The following ERC2 variants were observed in gnomAD, a reference collection of about 807,000 sequenced individuals.
ERC2 encodes the protein ERC protein 2.
ERC2 carries 42 observed loss-of-function variants against 114.8 expected under a neutral mutation model. The ratio of observed to expected loss-of-function variants is 0.37; its 90% CI spans 0.29 to 0.47. The LOEUF (loss-of-function observed/expected upper bound fraction) is 0.47, where lower values mean the gene tolerates loss of function less well. Among genes scored for constraint, ERC2 ranks in the 20% least tolerant of loss-of-function variants. The probability of loss-of-function intolerance (pLI) is 0.99; values close to 1 mark genes in which losing one functional copy is unlikely to be tolerated. For missense variants in ERC2, 939 were observed against 1,150.7 expected, an observed-to-expected ratio of 0.82 and a Z score of 2.66; for synonymous variants, 454 against 425.5, an observed-to-expected ratio of 1.07 and a Z score of -0.82.
At chr3:55,824,660 T>C (rs2060260191) in intron 14 of ERC2, among the ~76,000 whole-genome samples, 1 of 152,192 alleles carries the variant, frequency 6.6e-6, no homozygotes, top group South Asian at 2.1e-4. Context: ...TCAGTGTTTC[T>C]CAAAGTGTTG....
chr3:55,882,366 A>C (rs1435393776), intron 14 of ERC2, among the ~76,000 whole-genome samples: 1 of 152,078 alleles, frequency 6.6e-6, no homozygotes, highest in Non-Finnish European at 1.5e-5. Flanking sequence ...CAAATGAACC[A>C]TTTTTCTTTA....
chr3:55,973,069 T>C (rs1177703019), intron 12 of ERC2, among the ~76,000 whole-genome samples: 2 of 151,240 alleles, frequency 1.3e-5, no homozygotes, highest in South Asian at 2.1e-4. Flanking sequence ...GGAGGTGGAG[T>C]TGGATATTCT....
chr3:56,284,006 C>T (rs775153643), intron 3 of ERC2, among the ~76,000 whole-genome samples: 5 of 152,216 alleles, frequency 3.3e-5, no homozygotes, highest in Non-Finnish European at 5.9e-5. Context: ...AAGAACTCTG[C>T]TTCATTAATA....
chr3:56,449,818 T>C (rs958527078), intron 1 of ERC2, among the ~76,000 whole-genome samples: 6 of 152,232 alleles, frequency 3.9e-5, no homozygotes, highest in African/African-American at 1.4e-4. Context: ...GAAGTTAACC[T>C]TGACAAGCCC....
At chr3:56,127,722 CAA>C in intron 6 of ERC2, among the ~76,000 whole-genome samples, 1 of 110,660 alleles carries the variant, frequency 9.0e-6, no homozygotes, top group South Asian at 3.1e-4. Context: ...AACTCTGTCT[CAA>C]AAGAAAAAAA....
At chr3:55,877,228 C>T (rs1559802558) in intron 14 of ERC2, among the ~76,000 whole-genome samples, 1 of 152,160 alleles carries the variant, frequency 6.6e-6, no homozygotes, top group Non-Finnish European at 1.5e-5. Context: ...GCAGTGGCAC[C>T]TCCCCTCCAG....
At chr3:56,286,233 G>A (rs1355214523) in intron 3 of ERC2, among the ~76,000 whole-genome samples, 1 of 151,948 alleles carries the variant, frequency 6.6e-6, no homozygotes, top group African/African-American at 2.4e-5. Flanking sequence ...GACCAACATG[G>A]AGAAACCTCG....
At chr3:55,870,693 C>A (rs1575946041) in intron 14 of ERC2, among the ~76,000 whole-genome samples, 1 of 152,240 alleles carries the variant, frequency 6.6e-6, no homozygotes, top group East Asian at 1.9e-4. Context: ...TACTAAGAGA[C>A]CCATTCCCAG....
intron 14 of ERC2, among the ~76,000 whole-genome samples, chr3:55,792,562 C>T (rs1051498026): frequency 6.6e-6 from 1 of 152,126 alleles, no homozygotes; most frequent in Non-Finnish European, 1.5e-5. Flanking sequence ...AAAGAACTTC[C>T]TTTTGATTTC....
At chr3:56,237,925 C>T (rs1038177579) in intron 3 of ERC2, among the ~76,000 whole-genome samples, 16 of 147,954 alleles carry the variant, frequency 1.1e-4, no homozygotes, top group African/African-American at 3.7e-4. Context: ...CAGAAGCAAG[C>T]ATGATTCAAA....
intron 3 of ERC2, among the ~76,000 whole-genome samples, chr3:56,277,748 CAAAA>C (rs58903780): frequency 4.1e-3 from 596 of 146,478 alleles, no homozygotes; most frequent in African/African-American, 0.012. Context: ...GCCAAATTAC[CAAAA>C]AAAAAAAAAA....
At chr3:55,602,259 G>T (rs1218111319) in intron 17 of ERC2, among the ~76,000 whole-genome samples, 1 of 152,168 alleles carries the variant, frequency 6.6e-6, no homozygotes, top group East Asian at 1.9e-4. Context: ...GATGCCTCTG[G>T]ATCCAGAGGG....
intron 1 of ERC2, among the ~76,000 whole-genome samples, chr3:56,449,796 T>TAATG (rs2062749508): frequency 6.6e-6 from 1 of 152,246 alleles, no homozygotes; most frequent in African/African-American, 2.4e-5. Flanking sequence ...AGCACACAGC[T>TAATG]AATGATCAAC....
chr3:55,954,979 TAA>T (rs765865762), intron 12 of ERC2, among the ~76,000 whole-genome samples: 17 of 152,188 alleles, frequency 1.1e-4, no homozygotes, highest in Middle Eastern at 3.4e-3. Context: ...TCAGGCTCGC[TAA>T]AAAGATTAAG....
intron 17 of ERC2, among the ~76,000 whole-genome samples, chr3:55,522,863 C>T (rs1267305703): frequency 6.6e-6 from 1 of 152,214 alleles, no homozygotes; most frequent in Non-Finnish European, 1.5e-5. Context: ...AGCTATCATA[C>T]ATGTTTCCAA....
chr3:55,847,227 A>G (rs545662937), intron 14 of ERC2, among the ~76,000 whole-genome samples: 1 of 152,340 alleles, frequency 6.6e-6, no homozygotes, highest in South Asian at 2.1e-4. Context: ...ACAGGCTTAT[A>G]AGTTATAAAC....
At position 56,200,778 on chromosome 3, in the gene ERC2, C is replaced by A. The variant is rs189803282; in HGVS notation, c.1075-27258G>T. Among the ~76,000 whole-genome samples, 25 of 152,302 alleles carry A rather than the reference C, an allele frequency of 1.6e-4. No individual in the cohort carries two copies. The East Asian group carries it at 4.8e-3, about 29-fold the overall frequency. ...GTCGTACCAGCTCAGGAGCTGAAAT[C>A]CCCAACTATCCATTAAAAGAAATTA... On this transcript the variant is annotated intron_variant, in intron 3 of 17. Coordinates refer to ENST00000288221, the MANE Select transcript of ERC2 (RefSeq NM_015576.3).
intron 15 of ERC2, among the ~76,000 whole-genome samples, chr3:55,712,246 C>T (rs2063814635): frequency 6.6e-6 from 1 of 152,042 alleles, no homozygotes; most frequent in Non-Finnish European, 1.5e-5. Context: ...AAGAGAAGAG[C>T]ATAAGTGAAG....
rs2050324716 is a variant in ERC2, at chr3:56,227,457, A to G, written c.1075-53937T>C. Reference sequence around the variant, plus strand: ...AAAAAAAAATCCCTTTAGCATGTGAAGGTCCCTCCCTACAAGGGCATACCC... The same window carrying G: ...AAAAAAAAATCCCTTTAGCATGTGAGGGTCCCTCCCTACAAGGGCATACCC... On this transcript the variant is annotated intron_variant, in intron 3 of 17. Coordinates refer to ENST00000288221, the MANE Select transcript of ERC2 (RefSeq NM_015576.3). Among the ~76,000 whole-genome samples, 3 of 150,620 alleles carry G rather than the reference A, an allele frequency of 2.0e-5. No individual in the cohort carries two copies. In the South Asian group the frequency reaches 6.3e-4, roughly 32 times the overall value.
Sources: gnomAD v4.1 joint callset for allele counts (sites outside exome capture counted in the v4.1 genomes callset) on GRCh38, gnomAD v4.1.1 for gene constraint, MANE v1.5 for transcripts, NCBI Gene and HGNC (gene_info 2026-07-23, HGNC 2026-07-21) for gene names.